IAH1: variants seen among roughly 807,000 people sequenced by gnomAD.
The protein encoded by IAH1 is isoamyl acetate-hydrolyzing esterase 1 homolog.
IAH1 carries 24 observed loss-of-function variants against 26.7 expected under a neutral mutation model. That is an observed-to-expected ratio of 0.90 (90% confidence interval 0.65 to 1.26). The LOEUF is 1.26. Ranked by LOEUF, IAH1 falls within the 50% of genes most tolerant of loss-of-function variation. IAH1 has a pLI of 0.00. For missense variants in IAH1, 300 were observed against 299.9 expected, an observed-to-expected ratio of 1.00 and a Z score of 0.00; for synonymous variants, 140 against 118.5, an observed-to-expected ratio of 1.18 and a Z score of -1.18.
chr2:9,496,970 C>T (rs1028197017), downstream of IAH1: 15 of 1,259,750 alleles, frequency 1.2e-5, no homozygotes, highest in Non-Finnish European at 1.5e-5. Context: ...TCTCCAGACA[C>T]CACCCTGCCC....
chr2:9,474,539 G>GCCCCA, upstream of IAH1: 2 of 1,316,316 alleles, frequency 1.5e-6, no homozygotes, highest in Non-Finnish European at 2.0e-6. The surrounding 1 kb of genome is among the most constrained non-coding windows in gnomAD (Gnocchi z 4.3). Context: ...GTGGCTGGCG[G>GCCCCA]CCCCGCCCCG....
chr2:9,510,703 AC>A, the IAH1 span, among the ~76,000 whole-genome samples: 1 of 150,388 alleles, frequency 6.6e-6, no homozygotes, highest in Admixed American at 6.6e-5. Flanking sequence ...ATGGTGGTGC[AC>A]ACCTGTGGTC....
chr2:9,481,933 GA>G (rs1661198138), intron 4 of IAH1, among the ~76,000 whole-genome samples: 1 of 151,972 alleles, frequency 6.6e-6, no homozygotes, highest in Non-Finnish European at 1.5e-5. Flanking sequence ...ACCTTTGACT[GA>G]AAAACCTCTG....
intron 3 of IAH1, among the ~76,000 whole-genome samples, chr2:9,481,059 A>G (rs764709692): frequency 6.6e-6 from 1 of 152,206 alleles, no homozygotes; most frequent in Non-Finnish European, 1.5e-5. Context: ...CTAGTGACGA[A>G]AAGACAAGAG....
intron 1 of IAH1, among the ~76,000 whole-genome samples, chr2:9,475,495 TTTTTTTTC>T (rs1304492627): frequency 4.6e-5 from 7 of 152,138 alleles, no homozygotes; most frequent in East Asian, 3.9e-4. Flanking sequence ...TAGCTTTTTT[TTTTTTTTC>T]TTTTTTTCTT....
chr2:9,478,287 CAAGATT>C lies in IAH1; in HGVS notation c.203_208del (p.Arg68_Leu69del), dbSNP rs1466134498. On this transcript the variant is annotated inframe_deletion, in exon 3 of 6. Coordinates refer to ENST00000497473, the MANE Select transcript of IAH1 (RefSeq NM_001039613.3). The stretch of plus-strand genomic sequence containing the variant: ...ACCAGGTGGGCCAAAATTATCCTTC[CAAGATT>C]AATCAGGAAAGGAAACAGTTTGGAC... 6.2e-7 allele frequency: 1 copy of C among 1,613,348 alleles called. No individual in the cohort carries two copies.
chr2:9,480,758 C>T (rs1661121747), intron 3 of IAH1: 1 of 152,664 alleles, frequency 6.6e-6, no homozygotes. Context: ...TACTCCTTTG[C>T]AATAATAGTA....
chr2:9,501,395 A>G (rs1485829292), downstream of IAH1, among the ~76,000 whole-genome samples: 1 of 152,190 alleles, frequency 6.6e-6, no homozygotes, highest in East Asian at 1.9e-4. Context: ...AGACCAGCAC[A>G]TCCTGCCTCT....
chr2:9,474,539 G>GCCCCC (rs953945244), upstream of IAH1: 81 of 1,316,044 alleles, frequency 6.2e-5, no homozygotes, highest in Non-Finnish European at 7.5e-5. This position sits in a 1 kb window ranked among gnomAD's most constrained non-coding sequence, Gnocchi z 4.3. Flanking sequence ...GTGGCTGGCG[G>GCCCCC]CCCCGCCCCG....
At chr2:9,507,208 G>A in the IAH1 span, among the ~76,000 whole-genome samples, 1 of 151,974 alleles carries the variant, frequency 6.6e-6, no homozygotes, top group Admixed American at 6.5e-5. Flanking sequence ...TTAAAACATA[G>A]GCTGGGCACA....
the IAH1 span, among the ~76,000 whole-genome samples, chr2:9,504,751 A>G: frequency 7.0e-6 from 1 of 143,614 alleles, no homozygotes; most frequent in African/African-American, 2.6e-5. Context: ...ACAGAGCAAG[A>G]CTCTGTCTCA....
the IAH1 span, chr2:9,505,094 A>G: frequency 3.3e-6 from 5 of 1,503,782 alleles, no homozygotes; most frequent in Non-Finnish European, 4.6e-6. Flanking sequence ...AGCCCCTGCA[A>G]GTTCAGTCTT....
chr2:9,478,457 G>A, intron 3 of IAH1, 87 bp downstream of exon 3: 1 of 1,281,582 alleles, frequency 7.8e-7, no homozygotes, highest in Non-Finnish European at 1.1e-6. Context: ...TTTTTCAACT[G>A]TTTACTTTCT....
the IAH1 span, among the ~76,000 whole-genome samples, chr2:9,503,852 A>AAG: frequency 2.7e-5 from 4 of 150,260 alleles, no homozygotes; most frequent in African/African-American, 9.8e-5. Context: ...AAAAAAAAAA[A>AAG]GAAATAAAAG....
intron 4 of IAH1, among the ~76,000 whole-genome samples, chr2:9,483,497 C>T (rs1661301222): frequency 6.6e-6 from 1 of 152,152 alleles, no homozygotes. Flanking sequence ...TGAATCAAAG[C>T]TGGTGAATAG....
At chr2:9,485,118 A>G (rs1661401903) in intron 5 of IAH1, 1 of 152,688 alleles carries the variant, frequency 6.5e-6, no homozygotes, top group Non-Finnish European at 1.5e-5. Flanking sequence ...CTATGTTCAC[A>G]CAGAACCTGG....
downstream of IAH1, among the ~76,000 whole-genome samples, chr2:9,494,034 C>G (rs1662366070): frequency 6.6e-6 from 1 of 152,124 alleles, no homozygotes; most frequent in South Asian, 2.1e-4. Flanking sequence ...TCCATTTTTA[C>G]AAGTGATTTA....
chr2:9,475,029 A>G (rs1183184635), intron 1 of IAH1: 4 of 1,139,162 alleles, frequency 3.5e-6, no homozygotes, highest in South Asian at 1.9e-5. Context: ...GCTGTGTCCC[A>G]GGAGGCCCCG....
At chr2:9,481,534 C>A in intron 4 of IAH1, 87 bp downstream of exon 4, 1 of 1,303,862 alleles carries the variant, frequency 7.7e-7, no homozygotes, top group Non-Finnish European at 1.1e-6. Flanking sequence ...CTGCCTGGGG[C>A]TTCTGTTTCT....
Sources: gnomAD v4.1 joint callset for allele counts (sites outside exome capture counted in the v4.1 genomes callset) on GRCh38, gnomAD v4.1.1 for gene constraint, Gnocchi (gnomAD v3.1) non-coding constraint, MANE v1.5 for transcripts, NCBI Gene and HGNC (gene_info 2026-07-23, HGNC 2026-07-21) for gene names.